Variants in SPOPL observed in about 807,000 individuals in gnomAD.
The protein encoded by SPOPL is speckle type BTB/POZ protein like.
In SPOPL, 23 loss-of-function variants were observed where a neutral mutation model predicts 53.8. That is an observed-to-expected ratio of 0.43 (90% CI 0.31 to 0.61). The LOEUF (loss-of-function observed/expected upper bound fraction) is 0.61, where lower values mean the gene tolerates loss of function less well. Ranked by LOEUF, SPOPL falls within the 20% of genes least tolerant of loss-of-function variation. SPOPL has a pLI of 0.12. For missense variants in SPOPL, 442 were observed against 466.9 expected (o/e 0.95, Z 0.49); for synonymous variants, 164 against 149.7 (o/e 1.10, Z -0.70).
intron 1 of SPOPL, among the ~76,000 whole-genome samples, chr2:138,513,835 G>A (rs149728416): frequency 2.7e-4 from 41 of 151,636 alleles, no homozygotes; most frequent in Middle Eastern, 3.4e-3. Context: ...AAATTAATTA[G>A]CATGAGGGAA....
At chr2:138,562,987 A>G (rs909481974) in intron 8 of SPOPL, among the ~76,000 whole-genome samples, 1 of 152,182 alleles carries the variant, frequency 6.6e-6, no homozygotes, top group Non-Finnish European at 1.5e-5. Context: ...AAGACAGAAT[A>G]AAAAGATTAG....
chr2:138,562,492 A>G (rs570712363), intron 8 of SPOPL, among the ~76,000 whole-genome samples: 1 of 152,170 alleles, frequency 6.6e-6, no homozygotes, highest in Non-Finnish European at 1.5e-5. Context: ...CCATGTATAC[A>G]AAGTAAGGCA....
chr2:138,559,717 CAT>C (rs1260352323), intron 7 of SPOPL, among the ~76,000 whole-genome samples: 1 of 152,134 alleles, frequency 6.6e-6, no homozygotes, highest in African/African-American at 2.4e-5. Flanking sequence ...ACAAAAATAA[CAT>C]AGATGACATC....
chr2:138,557,687 A>C (rs1685457440), intron 5 of SPOPL, among the ~76,000 whole-genome samples: 1 of 152,354 alleles, frequency 6.6e-6, no homozygotes, highest in African/African-American at 2.4e-5. Context: ...AAAACTTAGA[A>C]GTTGAAAACA....
chr2:138,564,720 C>T lies in SPOPL; in HGVS notation c.850C>T (p.Arg284Trp), dbSNP rs1445542070. The T allele has an allele frequency of 3.1e-6, 5 of 1,613,998 alleles. No individual in the cohort carries two copies. The highest frequency in any genetic ancestry group is 4.2e-6 in the Non-Finnish European group (5 of 1,179,958). The change falls in exon 9 of 11, where the codon CGG becomes TGG. Residue 284 changes from arginine (R) to tryptophan (W), a missense_variant. Coordinates refer to ENST00000280098, the MANE Select transcript of SPOPL (RefSeq NM_001001664.3). The part of the protein sequence containing the change: ...LAAADKYALE[R>W]LKVMCEEALC... The stretch of plus-strand genomic sequence containing the variant: ...TCATTTTGGATAGTATGCACTGGAA[C>T]GGCTGAAGGTCATGTGCGAAGAAGC...
At chr2:138,527,622 G>C (rs1300592164) in intron 1 of SPOPL, among the ~76,000 whole-genome samples, 1 of 152,094 alleles carries the variant, frequency 6.6e-6, no homozygotes, top group Non-Finnish European at 1.5e-5. Flanking sequence ...ATACCATTCA[G>C]TCCCCTGAAT....
chr2:138,543,084 A>G lies in SPOPL; in HGVS notation c.-60-7073A>G, dbSNP rs189224303. 2.2e-3 allele frequency among the ~76,000 whole-genome samples: 338 copies of G among 152,306 alleles called. 3 individuals are homozygous for G. Among genetic ancestry groups the G allele is most frequent in the African/African-American group, 7.7e-3 (320 of 41,558 alleles). ...TGGCCCCCACTTTCTTCTGGCTTGT[A>G]GAGTTTCTGCCGAGAGATCAGCTGT... is the stretch of plus-strand genomic sequence containing the variant. On this transcript the variant is annotated intron_variant, in intron 1 of 10. Transcript: ENST00000280098.
chr2:138,555,884 CTT>C (rs369256513), intron 5 of SPOPL, among the ~76,000 whole-genome samples: 1 of 146,252 alleles, frequency 6.8e-6, no homozygotes, highest in Non-Finnish European at 1.5e-5. Flanking sequence ...ACATTTGCCT[CTT>C]TTTTTTTTTG....
At chr2:138,520,016 T>G (rs765731065) in intron 1 of SPOPL, among the ~76,000 whole-genome samples, 1 of 152,150 alleles carries the variant, frequency 6.6e-6, no homozygotes, top group African/African-American at 2.4e-5. Context: ...CATTTAAGAT[T>G]AAAATGCAGT....
At chr2:138,530,402 G>A (rs191129645) in intron 1 of SPOPL, among the ~76,000 whole-genome samples, 14 of 152,166 alleles carry the variant, frequency 9.2e-5, no homozygotes, top group East Asian at 5.8e-4. Flanking sequence ...TTGAGGAATC[G>A]CCACACTGTT....
chr2:138,571,626 A>G lies in SPOPL; in HGVS notation c.*2546A>G, dbSNP rs910422783. 3 of 152,490 alleles carry G rather than the reference A, an allele frequency of 2.0e-5. No individual in the cohort carries two copies. The highest frequency in any genetic ancestry group is 4.4e-5 in the Non-Finnish European group (3 of 68,006). 9.4% of individuals were successfully genotyped at this position (152,490 alleles called of 1,614,324 possible). A position where few individuals can be genotyped will look rare whatever the true frequency, so the allele number is the denominator to read the frequency against. Reference sequence around the variant, plus strand: ...TAATGTATTCTGACATGAGTGCTCTAATAGCCTCCTTCTCCTCATTTTTAA... The same window carrying G: ...TAATGTATTCTGACATGAGTGCTCTGATAGCCTCCTTCTCCTCATTTTTAA... On this transcript the variant is annotated 3_prime_UTR_variant, in exon 11 of 11. Transcript: ENST00000280098.
intron 1 of SPOPL, among the ~76,000 whole-genome samples, chr2:138,510,749 C>T (rs1308621322): frequency 1.3e-5 from 2 of 152,046 alleles, no homozygotes; most frequent in African/African-American, 4.8e-5. Context: ...GTTTTTTCAG[C>T]TGTCATTTGG....
intron 1 of SPOPL, among the ~76,000 whole-genome samples, chr2:138,521,944 G>T (rs1432141009): frequency 6.6e-6 from 1 of 152,178 alleles, no homozygotes; most frequent in Non-Finnish European, 1.5e-5. Flanking sequence ...AGTTTTTTGT[G>T]TGTGTTAGCG....
intron 1 of SPOPL, among the ~76,000 whole-genome samples, chr2:138,503,387 C>G (rs1368123728): frequency 6.6e-6 from 1 of 152,154 alleles, no homozygotes; most frequent in African/African-American, 2.4e-5. Context: ...AAGTAAAGTA[C>G]TTAAAACAGT....
intron 1 of SPOPL, among the ~76,000 whole-genome samples, chr2:138,533,933 A>T (rs889503325): frequency 2.6e-5 from 4 of 152,204 alleles, no homozygotes; most frequent in Admixed American, 2.6e-4. Flanking sequence ...ACAATGAAAG[A>T]CGTAGCTCAT....
intron 1 of SPOPL, among the ~76,000 whole-genome samples, chr2:138,532,806 T>C (rs1443740233): frequency 6.6e-6 from 1 of 152,036 alleles, no homozygotes; most frequent in Non-Finnish European, 1.5e-5. Flanking sequence ...TGTTCTCCCT[T>C]CTCTAGAATC....
At chr2:138,560,589 C>T (rs1685523874) in intron 7 of SPOPL, among the ~76,000 whole-genome samples, 1 of 151,904 alleles carries the variant, frequency 6.6e-6, no homozygotes, top group African/African-American at 2.4e-5. Flanking sequence ...TGCTTTTCCT[C>T]TTGGACTTGT....
intron 1 of SPOPL, among the ~76,000 whole-genome samples, chr2:138,520,421 A>G (rs1684532095): frequency 6.6e-6 from 1 of 152,214 alleles, no homozygotes; most frequent in South Asian, 2.1e-4. Flanking sequence ...CTGCGTACAT[A>G]CATGTACACA....
In SPOPL at chr2:138,571,102, C is replaced by CACAT. The variant is rs991437531; in HGVS notation, c.*2036_*2039dup. 1.4e-4 allele frequency: 22 copies of CACAT among 152,074 alleles called. No homozygotes were observed. The highest frequency in any genetic ancestry group is 5.1e-4 in the African/African-American group (21 of 41,416). 9.4% of individuals were successfully genotyped at this position (152,074 alleles called of 1,614,324 possible). A position where few individuals can be genotyped will look rare whatever the true frequency, so the allele number is the denominator to read the frequency against. ...TTTGCAATATACAATTTTAAAAATA[C>CACAT]ACATACATACATACATATGTATACA... On this transcript the variant is annotated 3_prime_UTR_variant, in exon 11 of 11. Coordinates refer to ENST00000280098, the MANE Select transcript of SPOPL (RefSeq NM_001001664.3).
Sources: gnomAD v4.1 joint callset for allele counts (sites outside exome capture counted in the v4.1 genomes callset) on GRCh38, gnomAD v4.1.1 for gene constraint, MANE v1.5 for transcripts, NCBI Gene and HGNC (gene_info 2026-07-23, HGNC 2026-07-21) for gene names.